ABCF3: variants seen among roughly 807,000 people sequenced by gnomAD.
ABCF3 encodes ATP-binding cassette sub-family F member 3.
ABCF3 carries 62 observed loss-of-function variants against 94.3 expected under a neutral mutation model. The observed-to-expected ratio is 0.66, with a 90% CI of 0.54 to 0.81. The LOEUF (loss-of-function observed/expected upper bound fraction) is 0.81, where lower values mean the gene tolerates loss of function less well. ABCF3 is among the 40% of genes least tolerant of loss of function. ABCF3 has a pLI of 0.00. For synonymous variants in ABCF3, 355 were observed against 361.1 expected (o/e 0.98, Z 0.19); for missense variants, 843 against 925.3 (o/e 0.91, Z 1.15).
intron 8 of ABCF3, 27 bp from the exon 9 acceptor site, chr3:184,188,902 T>G: frequency 1.9e-6 from 3 of 1,614,230 alleles, no homozygotes; most frequent in Non-Finnish European, 2.5e-6. Flanking sequence ...CTGTTCCAAC[T>G]GAGTTCTTCG....
intron 4 of ABCF3, 81 bp downstream of exon 4, chr3:184,187,524 G>T: frequency 6.5e-7 from 1 of 1,548,558 alleles, no homozygotes; most frequent in South Asian, 1.1e-5. Flanking sequence ...CTTTTGGGGG[G>T]ATTTCTGACT....
chr3:184,186,681 G>A, intron 2 of ABCF3, 27 bp downstream of exon 2: 1 of 1,593,616 alleles, frequency 6.3e-7, no homozygotes, highest in East Asian at 2.2e-5. Context: ...AGGGGTTGAT[G>A]GGGGCGAAGG....
In ABCF3 at chr3:184,189,533, G is replaced by C. The variant is rs767378903; in HGVS notation, c.1114-24G>C. 1.9e-6 allele frequency: 3 copies of C among 1,613,930 alleles called. No individual in the cohort carries two copies. In the Admixed American group the frequency reaches 5.0e-5, roughly 27 times the overall value. ...AGAACTGACTGCCCTCCCAAACCGG[G>C]CCTGCTGTCCTGTGACCCCTCAGAC... On this transcript the variant is annotated intron_variant, in intron 12 of 20. Transcript: ENST00000429586.
At chr3:184,187,823 T>C in intron 5 of ABCF3, 38 bp from the exon 6 acceptor site, 1 of 1,614,072 alleles carries the variant, frequency 6.2e-7, no homozygotes, top group Non-Finnish European at 8.5e-7. Flanking sequence ...CAGAAGGTGG[T>C]GGGGAGCACT....
chr3:184,187,658 C>A lies in ABCF3; in HGVS notation c.349-6C>A, dbSNP rs1285488021. 6.2e-7 allele frequency: 1 copy of A among 1,614,048 alleles called. No individual in the cohort carries two copies. The highest frequency in any genetic ancestry group is 2.2e-5 in the East Asian group (1 of 44,888). On this transcript the variant is annotated splice_region_variant and splice_polypyrimidine_tract_variant and intron_variant, in intron 4 of 20. Transcript: ENST00000429586. ...GAGAGTGAAGTCGATGTGTTTGGAC[C>A]CTTAGACAGTGAATGCAAAGAAGTT... is the stretch of plus-strand genomic sequence containing the variant.
intron 3 of ABCF3, 148 bp downstream of exon 3, chr3:184,187,023 C>T (rs936375805): frequency 2.4e-6 from 2 of 827,882 alleles, no homozygotes; most frequent in African/African-American, 1.7e-5. Flanking sequence ...GGCAGAAGAG[C>T]CCATGATGGG....
intron 4 of ABCF3, 38 bp downstream of exon 4, chr3:184,187,481 T>C: frequency 6.3e-7 from 1 of 1,598,940 alleles, no homozygotes; most frequent in Non-Finnish European, 8.6e-7. Flanking sequence ...CTGTCTGTGA[T>C]GGGGTTGGGA....
rs1469698784 is a variant in ABCF3 at position 184,191,266 on chromosome 3, T to C, written c.1569+11T>C. The C allele has an allele frequency of 6.2e-7, 1 of 1,613,752 alleles. No homozygotes were observed. The highest frequency in any genetic ancestry group is 1.3e-5 in the African/African-American group (1 of 74,918). On this transcript the variant is annotated intron_variant, in intron 16 of 20. Coordinates refer to ENST00000429586, the MANE Select transcript of ABCF3 (RefSeq NM_018358.3). The stretch of plus-strand genomic sequence containing the variant: ...TCTCGCATCTGTGTGGTAAGGCTGC[T>C]GTTTCTCTGTGCTGCGAGCTGGGAC...
intron 6 of ABCF3, 75 bp from the exon 7 acceptor site, chr3:184,188,066 A>G (rs563690104): frequency 6.8e-6 from 11 of 1,611,340 alleles, no homozygotes; most frequent in African/African-American, 2.7e-5. Flanking sequence ...GCTATAAACA[A>G]TGTTAGGTTT....
intron 18 of ABCF3, 63 bp downstream of exon 18, chr3:184,192,959 G>T: frequency 6.3e-7 from 1 of 1,595,358 alleles, no homozygotes; most frequent in South Asian, 1.1e-5. Context: ...GGCTGACCCC[G>T]GCAGCTAGGC....
chr3:184,193,242 C>T lies in ABCF3; in HGVS notation c.1883+8C>T, dbSNP rs777817116. ...TCAGATGACTATGCCCTGGTGAGGC[C>T]TCATTTTCCAGAGCTCTTCCCCTCC... On this transcript the variant is annotated splice_region_variant and intron_variant, in intron 19 of 20. Coordinates refer to ENST00000429586, the MANE Select transcript of ABCF3 (RefSeq NM_018358.3). This position sits in a 1 kb window ranked among gnomAD's most constrained non-coding sequence, Gnocchi z 5.2. The T allele has an allele frequency of 1.1e-5, 18 of 1,573,160 alleles. No individual in the cohort carries two copies. Among genetic ancestry groups the T allele is most frequent in the Non-Finnish European group, 1.4e-5 (16 of 1,160,054 alleles).
chr3:184,189,883 C>G lies in ABCF3; in HGVS notation c.1343C>G (p.Ala448Gly). The change falls in exon 14 of 21, where the codon GCC (alanine) becomes GGC (glycine). Residue 448 changes from alanine (A) to glycine (G), a missense_variant. By Grantham distance (60) the Ala-to-Gly change is moderately conservative. Transcript: ENST00000429586. The stretch of plus-strand genomic sequence containing the variant: ...TTCATTGACCGGTTTCGCTACAATG[C>G]CAACAGGGCCTCTCAAGTGCAGAGT... ...QVFIDRFRYN[A>G]NRASQVQSKL... The G allele has an allele frequency of 6.2e-7, 1 of 1,614,236 alleles. No individual in the cohort carries two copies. The highest frequency in any genetic ancestry group is 8.5e-7 in the Non-Finnish European group (1 of 1,180,052).
chr3:184,190,794 C>T, intron 14 of ABCF3: 1 of 602,424 alleles, frequency 1.7e-6, no homozygotes, highest in East Asian at 3.0e-5. Flanking sequence ...AAACATATCA[C>T]AATATAGTAA....
intron 16 of ABCF3, among the ~76,000 whole-genome samples, chr3:184,192,318 C>G (rs1716076886): frequency 6.6e-6 from 1 of 152,120 alleles, no homozygotes; most frequent in African/African-American, 2.4e-5. Context: ...TGAAAATGTA[C>G]AGTCTATCAT....
intron 16 of ABCF3, among the ~76,000 whole-genome samples, chr3:184,192,127 T>C (rs1362539917): frequency 6.6e-6 from 1 of 152,170 alleles, no homozygotes; most frequent in Non-Finnish European, 1.5e-5. Flanking sequence ...AATTTCCTTC[T>C]CCTCTGTGTT....
Position 184,186,683 on chromosome 3 carries a change from G to T in ABCF3, c.221+29G>T, listed in dbSNP as rs1324907176. On this transcript the variant is annotated intron_variant, in intron 2 of 20. Coordinates refer to ENST00000429586, the MANE Select transcript of ABCF3 (RefSeq NM_018358.3). ...TGTGCCAGGGAGTAGGGGTTGATGG[G>T]GGCGAAGGGACGGCGAACGGTCCGG... 1.9e-6 allele frequency: 3 copies of T among 1,593,760 alleles called. No homozygotes were observed. In the Admixed American group the frequency reaches 5.1e-5, roughly 27 times the overall value.
rs746366964 is a variant in ABCF3, at chr3:184,193,526, C to G, written c.1972-14C>G. ...TGTGTCCCCCTGAGCACCTCCTGCC[C>G]TCCTGTCTTTCAGGGTGGTGTGATT... On this transcript the variant is annotated splice_polypyrimidine_tract_variant and intron_variant, in intron 20 of 20. Transcript: ENST00000429586. This position sits in a 1 kb window ranked among gnomAD's most constrained non-coding sequence, Gnocchi z 5.2. The G allele has an allele frequency of 6.2e-7, 1 of 1,614,150 alleles. No individual in the cohort carries two copies. The highest frequency in any genetic ancestry group is 1.1e-5 in the South Asian group (1 of 91,084).
intron 17 of ABCF3, 48 bp downstream of exon 17, chr3:184,192,737 C>G (rs771757722): frequency 3.7e-5 from 59 of 1,609,220 alleles, no homozygotes; most frequent in Admixed American, 5.0e-5. Context: ...TTGCAGGCAC[C>G]CATGCTGCCT....
At chr3:184,190,050 TTCC>T (rs1415568684) in intron 14 of ABCF3, 119 bp downstream of exon 14, 9 of 1,052,216 alleles carry the variant, frequency 8.6e-6, no homozygotes, top group East Asian at 2.6e-5. Flanking sequence ...CAACTGTGAC[TTCC>T]TCCTCTGCTG....
Sources: allele counts gnomAD v4.1 joint callset (sites outside exome capture counted in the v4.1 genomes callset), GRCh38; gene constraint gnomAD v4.1.1; non-coding constraint Gnocchi (gnomAD v3.1); transcripts MANE v1.5; gene names NCBI Gene and HGNC (gene_info 2026-07-23, HGNC 2026-07-21).